Variants in SCPPPQ1 observed in about 807,000 individuals in gnomAD.
SCPPPQ1 encodes the protein secretory calcium-binding phosphoprotein proline- and glutamine-rich 1.
chr4:87,469,402 C>T, the SCPPPQ1 span, among the ~76,000 whole-genome samples: 1 of 152,142 alleles, frequency 6.6e-6, no homozygotes, highest in African/African-American at 2.4e-5. Context: ...TAGCACATGG[C>T]ATATGGAGCT....
chr4:87,465,559 CAAAAAAAAAAAAAAAAA>C, the SCPPPQ1 span, among the ~76,000 whole-genome samples: 2 of 98,312 alleles, frequency 2.0e-5, no homozygotes, highest in African/African-American at 8.8e-5. Context: ...TAGAAATCTA[CAAAAAAAAAAAAAAAAA>C]AAAAAAAAAA....
chr4:87,469,765 A>C, the SCPPPQ1 span, among the ~76,000 whole-genome samples: 4 of 152,068 alleles, frequency 2.6e-5, no homozygotes, highest in African/African-American at 9.7e-5. Flanking sequence ...CCTGCCTCCA[A>C]ACATAGGTTT....
chr4:87,462,414 C>A, the SCPPPQ1 span: 1 of 152,168 alleles, frequency 6.6e-6, no homozygotes, highest in African/African-American at 2.4e-5. Flanking sequence ...ATAGCAAGAT[C>A]CTGTTTCTTA....
the SCPPPQ1 span, among the ~76,000 whole-genome samples, chr4:87,463,549 C>CT: frequency 6.6e-6 from 1 of 152,004 alleles, no homozygotes; most frequent in South Asian, 2.1e-4. Context: ...ATACAAAAAT[C>CT]TATTTTATTG....
the SCPPPQ1 span, among the ~76,000 whole-genome samples, chr4:87,466,673 T>C: frequency 6.6e-6 from 1 of 152,114 alleles, no homozygotes; most frequent in Admixed American, 6.5e-5. Flanking sequence ...CAAAATCATG[T>C]TTGTATATTT....
At chr4:87,466,378 A>C in the SCPPPQ1 span, among the ~76,000 whole-genome samples, 1 of 152,294 alleles carries the variant, frequency 6.6e-6, no homozygotes, top group African/African-American at 2.4e-5. Flanking sequence ...TCAAAAAACA[A>C]AAACGAAAAC....
At chr4:87,464,881 TA>T in the SCPPPQ1 span, among the ~76,000 whole-genome samples, 1 of 152,192 alleles carries the variant, frequency 6.6e-6, no homozygotes, top group Non-Finnish European at 1.5e-5. Context: ...TACTTGGAGT[TA>T]ATATGCTGAA....
chr4:87,466,731 A>G, the SCPPPQ1 span, among the ~76,000 whole-genome samples: 42,163 of 151,974 alleles, frequency 0.28, 7,156 homozygotes, highest in East Asian at 0.41. Context: ...GTAGTTTTAA[A>G]ATGTTTGTGA....
chr4:87,468,774 TA>T, the SCPPPQ1 span, among the ~76,000 whole-genome samples: 1 of 152,218 alleles, frequency 6.6e-6, no homozygotes, highest in African/African-American at 2.4e-5. Flanking sequence ...ATATTAGAAT[TA>T]ATGAAATATG....
At chr4:87,460,931 T>C in the SCPPPQ1 span, 1 of 152,618 alleles carries the variant, frequency 6.6e-6, no homozygotes, top group Non-Finnish European at 1.5e-5. Flanking sequence ...CCATCAACTA[T>C]AGTTAAGATA....
chr4:87,465,701 AT>A, the SCPPPQ1 span, among the ~76,000 whole-genome samples: 21 of 152,162 alleles, frequency 1.4e-4, no homozygotes, highest in African/African-American at 4.1e-4. Flanking sequence ...TTACTGAGCA[AT>A]TATTCTATAT....
chr4:87,467,806 T>TA, the SCPPPQ1 span, among the ~76,000 whole-genome samples: 1 of 152,194 alleles, frequency 6.6e-6, no homozygotes, highest in Non-Finnish European at 1.5e-5. Flanking sequence ...AACCCATGCT[T>TA]ACCAGGGGCG....
At chr4:87,463,786 G>A in the SCPPPQ1 span, among the ~76,000 whole-genome samples, 6 of 152,176 alleles carry the variant, frequency 3.9e-5, no homozygotes, top group Admixed American at 3.9e-4. Context: ...GATTCCCTGT[G>A]TGAATGATAC....
the SCPPPQ1 span, among the ~76,000 whole-genome samples, chr4:87,465,701 A>AT: frequency 1.3e-5 from 2 of 152,050 alleles, no homozygotes; most frequent in African/African-American, 4.8e-5. Context: ...TTACTGAGCA[A>AT]TTATTCTATA....
chr4:87,464,946 C>A, the SCPPPQ1 span, among the ~76,000 whole-genome samples: 1 of 152,296 alleles, frequency 6.6e-6, no homozygotes, highest in South Asian at 2.1e-4. Flanking sequence ...ATGTATTTAT[C>A]ACTAATTCAG....
At chr4:87,465,550 A>G in the SCPPPQ1 span, among the ~76,000 whole-genome samples, 1 of 145,252 alleles carries the variant, frequency 6.9e-6, no homozygotes, top group South Asian at 2.2e-4. Context: ...GAAAAGGAAT[A>G]GAAATCTACA....
chr4:87,463,333 C>CA, the SCPPPQ1 span, among the ~76,000 whole-genome samples: 45 of 145,780 alleles, frequency 3.1e-4, no homozygotes, highest in Non-Finnish European at 6.2e-4. Flanking sequence ...AAAAAAACAA[C>CA]AAAAAAAAAT....
chr4:87,470,552 C>A, the SCPPPQ1 span, among the ~76,000 whole-genome samples: 85 of 151,780 alleles, frequency 5.6e-4, 1 homozygote, highest in Admixed American at 1.4e-3. Context: ...AATCAACTGG[C>A]CTTTTATTGG....
the SCPPPQ1 span, among the ~76,000 whole-genome samples, chr4:87,466,124 A>T: frequency 1.3e-5 from 2 of 152,206 alleles, no homozygotes; most frequent in Non-Finnish European, 2.9e-5. Context: ...ACGGTCGCTC[A>T]TGCCTGTAAT....
Sources: gnomAD v4.1 joint callset for allele counts (sites outside exome capture counted in the v4.1 genomes callset) on GRCh38, gnomAD v4.1.1 for gene constraint, MANE v1.5 for transcripts, NCBI Gene and HGNC (gene_info 2026-07-23, HGNC 2026-07-21) for gene names.